SHISA9: variants seen among roughly 807,000 people sequenced by gnomAD.
SHISA9 encodes protein shisa-9.
SHISA9 carries 13 observed loss-of-function variants against 38.0 expected under a neutral mutation model. The observed-to-expected ratio is 0.34, with a 90% confidence interval of 0.22 to 0.54. SHISA9 has a LOEUF of 0.54. Ranked by LOEUF, SHISA9 falls within the 20% of genes least tolerant of loss-of-function variation. The pLI, the probability that SHISA9 is intolerant of heterozygous loss-of-function variation, is 0.91. For missense variants in SHISA9, 538 were observed against 575.8 expected (o/e 0.93, Z 0.67); for synonymous variants, 275 against 242.0 (o/e 1.14, Z -1.27).
chr16:13,104,512 C>G (rs1045094927), intron 2 of SHISA9, among the ~76,000 whole-genome samples: 1 of 152,102 alleles, frequency 6.6e-6, no homozygotes, highest in African/African-American at 2.4e-5. Context: ...GAATATAATT[C>G]AGCAATAGAA....
At chr16:13,071,443 C>T (rs764908213) in intron 2 of SHISA9, among the ~76,000 whole-genome samples, 3 of 152,132 alleles carry the variant, frequency 2.0e-5, no homozygotes, top group Admixed American at 6.5e-5. Flanking sequence ...AGGCTCAGAA[C>T]ATTGAGAAAT....
chr16:12,954,129 A>G (rs1040136871), intron 2 of SHISA9, among the ~76,000 whole-genome samples: 1 of 152,210 alleles, frequency 6.6e-6, no homozygotes, highest in Non-Finnish European at 1.5e-5. Flanking sequence ...ACGAGTTTGC[A>G]GGAAGACAAT....
At position 12,908,667 on chromosome 16, in the gene SHISA9, C is replaced by T. The variant is rs370536031; in HGVS notation, c.563+6040C>T. The T allele has an allele frequency of 8.5e-4, 1,314 of 1,537,792 alleles. 21 individuals are homozygous for T. In the South Asian group the frequency reaches 0.015, roughly 17 times the overall value. On this transcript the variant is annotated intron_variant, in intron 1 of 4. Coordinates refer to ENST00000558583, the MANE Select transcript of SHISA9 (RefSeq NM_001145204.3). ...AGACTTCTCAGATCACAGAGAAGTA[C>T]GCGATGCCCTGCAAACAACAGCTCA...
At chr16:12,910,683 G>T (rs1276230944) in intron 1 of SHISA9, 27 of 985,230 alleles carry the variant, frequency 2.7e-5, no homozygotes, top group Non-Finnish European at 2.9e-5. Flanking sequence ...TCCTGAACTG[G>T]GTGGAAGGCT....
intron 2 of SHISA9, among the ~76,000 whole-genome samples, chr16:13,088,573 G>A (rs1166860742): frequency 6.6e-6 from 1 of 152,110 alleles, no homozygotes; most frequent in East Asian, 1.9e-4. Context: ...TCTCTTTGTA[G>A]CAGTTGTGAA....
intron 4 of SHISA9, among the ~76,000 whole-genome samples, chr16:13,225,598 C>T (rs2051271196): frequency 6.6e-6 from 1 of 152,168 alleles, no homozygotes; most frequent in African/African-American, 2.4e-5. Flanking sequence ...AATCCATCAC[C>T]TGTGACCCAG....
At chr16:13,469,365 A>AAAAGAAAG in the SHISA9 span, among the ~76,000 whole-genome samples, 2,183 of 64,352 alleles carry the variant, frequency 0.034, 118 homozygotes, top group East Asian at 0.061. Context: ...AAAGAAAAGA[A>AAAAGAAAG]AAAGAAAGAA....
chr16:13,428,998 C>G, the SHISA9 span, among the ~76,000 whole-genome samples: 1 of 152,070 alleles, frequency 6.6e-6, no homozygotes, highest in Non-Finnish European at 1.5e-5. Flanking sequence ...AACTCCCAGC[C>G]TCAAGTTATC....
At chr16:13,066,818 A>G (rs1164466612) in intron 2 of SHISA9, among the ~76,000 whole-genome samples, 1 of 152,166 alleles carries the variant, frequency 6.6e-6, no homozygotes, top group East Asian at 1.9e-4. Context: ...GATATATTTT[A>G]TGTTCCCCAG....
At chr16:13,310,961 C>A in the SHISA9 span, among the ~76,000 whole-genome samples, 4 of 152,076 alleles carry the variant, frequency 2.6e-5, no homozygotes, top group Non-Finnish European at 5.9e-5. Flanking sequence ...GTATTACAGG[C>A]GTGAGCCACC....
At chr16:13,518,882 G>A in the SHISA9 span, among the ~76,000 whole-genome samples, 1 of 152,206 alleles carries the variant, frequency 6.6e-6, no homozygotes, top group Non-Finnish European at 1.5e-5. Flanking sequence ...ATGGTGGGAG[G>A]TGGAAGGGTA....
intron 2 of SHISA9, among the ~76,000 whole-genome samples, chr16:13,039,194 C>G (rs965410867): frequency 6.6e-6 from 1 of 152,188 alleles, no homozygotes; most frequent in African/African-American, 2.4e-5. Context: ...CAGGCATAAG[C>G]CACCGCGCCT....
chr16:13,395,384 C>T, the SHISA9 span, among the ~76,000 whole-genome samples: 12 of 152,274 alleles, frequency 7.9e-5, no homozygotes, highest in East Asian at 2.3e-3. Context: ...CTCATGATAG[C>T]CCATAGGGCA....
At chr16:13,008,868 T>C (rs921845938) in intron 2 of SHISA9, among the ~76,000 whole-genome samples, 1 of 152,046 alleles carries the variant, frequency 6.6e-6, no homozygotes, top group African/African-American at 2.4e-5. Flanking sequence ...ACTAATACAG[T>C]GCCTTAAGAA....
chr16:13,027,902 G>A (rs2072942994), intron 2 of SHISA9, among the ~76,000 whole-genome samples: 1 of 143,940 alleles, frequency 6.9e-6, no homozygotes, highest in African/African-American at 2.6e-5. Flanking sequence ...ACTCTGGCCT[G>A]GGTGACTAGA....
At chr16:13,314,619 A>G in the SHISA9 span, among the ~76,000 whole-genome samples, 6 of 152,256 alleles carry the variant, frequency 3.9e-5, no homozygotes, top group South Asian at 2.1e-4. Flanking sequence ...TAATGAATAC[A>G]GTTTGATGAG....
chr16:12,992,059 A>G (rs1224368975), intron 2 of SHISA9, among the ~76,000 whole-genome samples: 2 of 152,216 alleles, frequency 1.3e-5, no homozygotes, highest in African/African-American at 4.8e-5. Context: ...TAATTTAAAA[A>G]TATGAAATAA....
chr16:13,068,223 A>T lies in SHISA9; in HGVS notation c.692-135171A>T, dbSNP rs73518735. Among the ~76,000 whole-genome samples the T allele has an allele frequency of 4.7e-3, 714 of 152,178 alleles. 8 individuals are homozygous for T. The highest frequency in any genetic ancestry group is 0.016 in the African/African-American group (684 of 41,514). On this transcript the variant is annotated intron_variant, in intron 2 of 4. Coordinates refer to ENST00000558583, the MANE Select transcript of SHISA9 (RefSeq NM_001145204.3). ...TACCTTCCTTTGCCTCAGTTTCTCC[A>T]TTGTGATGTGGGCCATTGAACAGGA... is the stretch of plus-strand genomic sequence containing the variant.
chr16:13,409,543 C>T, the SHISA9 span, among the ~76,000 whole-genome samples: 1 of 152,258 alleles, frequency 6.6e-6, no homozygotes, highest in African/African-American at 2.4e-5. Context: ...CCCCACGCCC[C>T]TGTCACACAT....
Sources: allele counts gnomAD v4.1 joint callset (sites outside exome capture counted in the v4.1 genomes callset), GRCh38; gene constraint gnomAD v4.1.1; transcripts MANE v1.5; gene names NCBI Gene and HGNC (gene_info 2026-07-23, HGNC 2026-07-21).